Variants in SLC9A9 observed in about 807,000 individuals in gnomAD.
SLC9A9 encodes sodium/hydrogen exchanger 9.
Under a neutral mutation model 77.8 loss-of-function variants are expected in SLC9A9, and 62 were observed. The ratio of observed to expected loss-of-function variants is 0.80; its 90% CI spans 0.65 to 0.98. SLC9A9 has a LOEUF of 0.98. Among genes scored for constraint, SLC9A9 ranks in the 50% least tolerant of loss-of-function variants. The pLI is 0.00. For synonymous variants in SLC9A9, 320 were observed against 283.5 expected, an observed-to-expected ratio of 1.13 and a Z score of -1.29; for missense variants, 775 against 774.9, an observed-to-expected ratio of 1.00 and a Z score of 0.00.
intron 5 of SLC9A9, among the ~76,000 whole-genome samples, chr3:143,682,661 G>A (rs1391907386): frequency 6.6e-6 from 1 of 152,054 alleles, no homozygotes; most frequent in Non-Finnish European, 1.5e-5. Context: ...TATCAAATTA[G>A]GGTAGCAGAG....
chr3:143,782,608 C>T (rs1249982072), intron 4 of SLC9A9, among the ~76,000 whole-genome samples: 2 of 152,180 alleles, frequency 1.3e-5, no homozygotes. Flanking sequence ...ATAATGAATG[C>T]TGAATGGTCA....
At chr3:143,698,925 G>A (rs1329076133) in intron 4 of SLC9A9, among the ~76,000 whole-genome samples, 1 of 152,212 alleles carries the variant, frequency 6.6e-6, no homozygotes, top group Non-Finnish European at 1.5e-5. Context: ...GGATCTACAT[G>A]TGCTGGAAGC....
intron 4 of SLC9A9, among the ~76,000 whole-genome samples, chr3:143,783,572 A>C (rs950904577): frequency 2.6e-5 from 4 of 152,224 alleles, no homozygotes; most frequent in Admixed American, 6.5e-5. Flanking sequence ...TTATCAACCT[A>C]AAATGGATTA....
chr3:143,686,103 G>C (rs1933255497), intron 5 of SLC9A9, among the ~76,000 whole-genome samples: 1 of 152,136 alleles, frequency 6.6e-6, no homozygotes, highest in Admixed American at 6.6e-5. Flanking sequence ...TCATCCGCGA[G>C]GGTGACCTGG....
At chr3:143,582,078 G>C (rs549352994) in intron 6 of SLC9A9, among the ~76,000 whole-genome samples, 1 of 152,170 alleles carries the variant, frequency 6.6e-6, no homozygotes, top group Non-Finnish European at 1.5e-5. Context: ...GCAAAAGCTC[G>C]TTATCTCTTG....
intron 12 of SLC9A9, among the ~76,000 whole-genome samples, chr3:143,439,302 G>A (rs1045927758): frequency 6.6e-6 from 1 of 152,328 alleles, no homozygotes; most frequent in Non-Finnish European, 1.5e-5. Flanking sequence ...AGCTAAGAAG[G>A]GGAGGACCCA....
At chr3:143,814,372 A>T (rs2008949296) in intron 2 of SLC9A9, among the ~76,000 whole-genome samples, 1 of 152,198 alleles carries the variant, frequency 6.6e-6, no homozygotes, top group Non-Finnish European at 1.5e-5. Context: ...CTGGGAAATG[A>T]GTGCCACAAA....
At chr3:143,768,071 CT>C (rs1487966662) in intron 4 of SLC9A9, among the ~76,000 whole-genome samples, 1 of 152,146 alleles carries the variant, frequency 6.6e-6, no homozygotes, top group East Asian at 1.9e-4. Flanking sequence ...ACTTTTCCAT[CT>C]TTCTCACCAC....
At chr3:143,466,783 T>A (rs1360080780) in intron 12 of SLC9A9, among the ~76,000 whole-genome samples, 1 of 152,174 alleles carries the variant, frequency 6.6e-6, no homozygotes, top group Non-Finnish European at 1.5e-5. Flanking sequence ...ATGGAAGAAT[T>A]GATAGATGAA....
intron 7 of SLC9A9, 124 bp from the exon 8 acceptor site, chr3:143,574,317 C>A: frequency 2.5e-6 from 2 of 803,558 alleles, no homozygotes; most frequent in Non-Finnish European, 4.2e-6. Flanking sequence ...GATATTCAGA[C>A]CTGACTGGAA....
intron 5 of SLC9A9, among the ~76,000 whole-genome samples, chr3:143,666,690 AACAG>A (rs2039075885): frequency 2.0e-5 from 3 of 152,118 alleles, no homozygotes; most frequent in South Asian, 2.1e-4. Flanking sequence ...ATACACCAGT[AACAG>A]ACAGAGAGCC....
At chr3:143,753,756 C>T (rs569300972) in intron 4 of SLC9A9, among the ~76,000 whole-genome samples, 1 of 152,118 alleles carries the variant, frequency 6.6e-6, no homozygotes, top group Non-Finnish European at 1.5e-5. Flanking sequence ...TTTCTGGGAT[C>T]ACATGCATTA....
rs536438098 is a variant in SLC9A9 at position 143,432,052 on chromosome 3, C to T, written c.1469+34985G>A. ...CCAGCCTCCATTCTCTCTTCCTCTG[C>T]TCAATTTTTTTTTCTGTACCACTTA... On this transcript the variant is annotated intron_variant, in intron 12 of 15. Transcript: ENST00000316549. Among the ~76,000 whole-genome samples the T allele has an allele frequency of 2.0e-5, 3 of 152,312 alleles. No homozygotes were observed. The South Asian group carries it at 6.2e-4, about 32-fold the overall frequency.
intron 6 of SLC9A9, among the ~76,000 whole-genome samples, chr3:143,649,385 T>G (rs139296907): frequency 2.0e-5 from 3 of 152,348 alleles, no homozygotes; most frequent in Non-Finnish European, 1.5e-5. Context: ...TTATGTTAAA[T>G]AAAGTTATTT....
intron 2 of SLC9A9, among the ~76,000 whole-genome samples, chr3:143,811,401 G>T (rs2008861649): frequency 6.6e-6 from 1 of 152,130 alleles, no homozygotes; most frequent in East Asian, 1.9e-4. Context: ...GTAGTTAGAT[G>T]ACCTTGGTCT....
At chr3:143,314,141 A>G (rs1310693001) in intron 14 of SLC9A9, 1 of 152,134 alleles carries the variant, frequency 6.6e-6, no homozygotes, top group Non-Finnish European at 1.5e-5. Context: ...TAGGGTCTAC[A>G]TTTTCTCTTT....
intron 12 of SLC9A9, among the ~76,000 whole-genome samples, chr3:143,396,411 A>G (rs1328829306): frequency 6.6e-6 from 1 of 152,198 alleles, no homozygotes; most frequent in Non-Finnish European, 1.5e-5. Context: ...ACACATGGAC[A>G]CAGGAAGCGG....
Position 143,450,158 on chromosome 3 carries a change from A to G in SLC9A9, c.1469+16879T>C, listed in dbSNP as rs2034978304. On this transcript the variant is annotated intron_variant, in intron 12 of 15. Coordinates refer to ENST00000316549, the MANE Select transcript of SLC9A9 (RefSeq NM_173653.4). ...AAATATATAATTTAATATATATTAT[A>G]TAATATACATATTTATTATATTATG... is the stretch of plus-strand genomic sequence containing the variant. Among the ~76,000 whole-genome samples, 11 of 130,904 alleles carry G rather than the reference A, an allele frequency of 8.4e-5. No individual in the cohort carries two copies. The South Asian group carries it at 2.2e-3, about 27-fold the overall frequency. 85.9% of individuals were successfully genotyped at this position (130,904 alleles called of 152,430 possible). A position where few individuals can be genotyped will look rare whatever the true frequency, so the allele number is the denominator to read the frequency against.
chr3:143,578,490 T>C, intron 7 of SLC9A9, 95 bp downstream of exon 7: 1 of 1,589,258 alleles, frequency 6.3e-7, no homozygotes, highest in Admixed American at 1.7e-5. Flanking sequence ...CTATCTAGCC[T>C]TTTATGGGCC....
Sources: gnomAD v4.1 joint callset for allele counts (sites outside exome capture counted in the v4.1 genomes callset) on GRCh38, gnomAD v4.1.1 for gene constraint, MANE v1.5 for transcripts, NCBI Gene and HGNC (gene_info 2026-07-23, HGNC 2026-07-21) for gene names.